GDAP2: variants seen among roughly 807,000 people sequenced by gnomAD.
The protein encoded by GDAP2 is ganglioside induced differentiation associated protein 2.
A neutral mutation model predicts 67.0 loss-of-function variants in GDAP2; 51 were observed. The ratio of observed to expected loss-of-function variants is 0.76; its 90% CI spans 0.61 to 0.96. The LOEUF is 0.96. Among genes scored for constraint, GDAP2 ranks in the 40% least tolerant of loss-of-function variants. The probability of loss-of-function intolerance (pLI) is 0.00; values close to 1 mark genes in which losing one functional copy is unlikely to be tolerated. For synonymous variants in GDAP2, 203 were observed against 207.3 expected (o/e 0.98, Z 0.18); for missense variants, 547 against 588.3 (o/e 0.93, Z 0.73).
In GDAP2 at chr1:117,912,513, A is replaced by G; in HGVS notation, c.470+17T>C. 6.2e-7 allele frequency: 1 copy of G among 1,607,038 alleles called. No homozygotes were observed. On this transcript the variant is annotated intron_variant, in intron 4 of 13. Transcript: ENST00000369443. ...CAATGTATGATATGCTATGTCCAGA[A>G]AATGAGTAGACCATACTTTGCTAGT...
chr1:117,918,450 A>T (rs1650123864), intron 3 of GDAP2, 147 bp downstream of exon 3: 1 of 607,908 alleles, frequency 1.6e-6, no homozygotes, highest in Non-Finnish European at 2.9e-6. Context: ...GTTAAAATGG[A>T]GCTTTCAAAA....
At chr1:117,913,968 A>G (rs1649958801) in intron 3 of GDAP2, among the ~76,000 whole-genome samples, 1 of 152,188 alleles carries the variant, frequency 6.6e-6, no homozygotes, top group Non-Finnish European at 1.5e-5. Context: ...GTCTGCAGCC[A>G]GGAAGACAGC....
At chr1:117,901,242 C>T (rs1649458688) in intron 6 of GDAP2, among the ~76,000 whole-genome samples, 1 of 151,888 alleles carries the variant, frequency 6.6e-6, no homozygotes, top group Non-Finnish European at 1.5e-5. Flanking sequence ...ACACACACCA[C>T]ATTTTTTTTT....
At chr1:117,903,517 C>T (rs1351835056) in intron 6 of GDAP2, among the ~76,000 whole-genome samples, 1 of 152,144 alleles carries the variant, frequency 6.6e-6, no homozygotes, top group Non-Finnish European at 1.5e-5. Context: ...TTTTCTACAT[C>T]TATTCAGATG....
intron 1 of GDAP2, among the ~76,000 whole-genome samples, chr1:117,924,706 T>A (rs150316141): frequency 6.6e-6 from 1 of 152,244 alleles, no homozygotes; most frequent in Non-Finnish European, 1.5e-5. Flanking sequence ...TAAATTTGTA[T>A]GAGAAGACTA....
chr1:117,887,895 T>C (rs1648923290), intron 8 of GDAP2, 121 bp from the exon 9 acceptor site: 1 of 617,150 alleles, frequency 1.6e-6, no homozygotes, highest in Admixed American at 2.9e-5. Flanking sequence ...TTCATTATAA[T>C]AGGGAAGGAG....
intron 13 of GDAP2, among the ~76,000 whole-genome samples, chr1:117,874,309 T>C (rs1349718253): frequency 1.3e-5 from 2 of 152,204 alleles, no homozygotes; most frequent in Non-Finnish European, 2.9e-5. Context: ...TATTTGTTCC[T>C]ATGAAAGCTT....
chr1:117,876,655 A>C, intron 13 of GDAP2, among the ~76,000 whole-genome samples: 1 of 152,202 alleles, frequency 6.6e-6, no homozygotes, highest in East Asian at 1.9e-4. Flanking sequence ...ATTTATACAA[A>C]AATAAAACAG....
At chr1:117,881,632 G>C (rs1486974282) in intron 12 of GDAP2, among the ~76,000 whole-genome samples, 191 bp downstream of exon 12, 2 of 152,118 alleles carry the variant, frequency 1.3e-5, no homozygotes, top group African/African-American at 4.8e-5. Flanking sequence ...GGCTTATAAG[G>C]GTTGCCCACA....
In GDAP2 at chr1:117,899,047, T is replaced by C. The variant is rs550892040; in HGVS notation, c.796+10A>G. On this transcript the variant is annotated intron_variant, in intron 7 of 13. Transcript: ENST00000369443. ...AGGGAGATTTAAAAAGTTAGAGCTC[T>C]AGAACTCACCTTCTGGAGCACCAGG... The C allele has an allele frequency of 9.3e-6, 15 of 1,608,636 alleles. No homozygotes were observed. The highest frequency in any genetic ancestry group is 1.7e-4 in the Middle Eastern group (1 of 6,056).
At chr1:117,887,594 C>G in intron 9 of GDAP2, 104 bp downstream of exon 9, 1 of 758,542 alleles carries the variant, frequency 1.3e-6, no homozygotes. Flanking sequence ...CCATTTTGTT[C>G]ATAGATACAA....
chr1:117,922,238 G>T (rs577831285), intron 1 of GDAP2, among the ~76,000 whole-genome samples: 2 of 152,264 alleles, frequency 1.3e-5, no homozygotes, highest in East Asian at 3.9e-4. Context: ...AGCCTAGAGA[G>T]TAAATGCAAA....
chr1:117,892,244 A>C (rs1056848595), intron 8 of GDAP2, among the ~76,000 whole-genome samples: 1 of 152,182 alleles, frequency 6.6e-6, no homozygotes, highest in Non-Finnish European at 1.5e-5. Context: ...CCAGTTGGGA[A>C]GAAAGAGTAA....
chr1:117,908,832 T>TAAAA (rs1557806000), intron 5 of GDAP2, among the ~76,000 whole-genome samples: 1 of 140,624 alleles, frequency 7.1e-6, no homozygotes, highest in African/African-American at 2.9e-5. Flanking sequence ...CTCAAAAAAA[T>TAAAA]AAATAAATAA....
intron 13 of GDAP2, 136 bp downstream of exon 13, chr1:117,877,873 G>A (rs1450858230): frequency 2.3e-6 from 3 of 1,297,176 alleles, no homozygotes; most frequent in Non-Finnish European, 3.0e-6. Context: ...TATGTTAAAT[G>A]ATATTACCAA....
chr1:117,889,252 G>A (rs903846772), intron 8 of GDAP2, among the ~76,000 whole-genome samples: 7 of 151,774 alleles, frequency 4.6e-5, no homozygotes, highest in South Asian at 4.2e-4. Flanking sequence ...ATTGATATAC[G>A]GATACATTGT....
chr1:117,883,746 A>T, intron 10 of GDAP2, 119 bp from the exon 11 acceptor site: 1 of 608,638 alleles, frequency 1.6e-6, no homozygotes, highest in East Asian at 2.9e-5. Flanking sequence ...TGCCCTAGTC[A>T]TCATAAATGG....
At position 117,918,676 on chromosome 1, in the gene GDAP2, G is replaced by T. The variant is rs1163770251; in HGVS notation, c.237C>A (p.Leu79=). Residue 79 remains leucine, a synonymous_variant, in exon 3 of 14, where the codon CTC becomes CTA. Coordinates refer to ENST00000369443, the MANE Select transcript of GDAP2 (RefSeq NM_017686.4). ...TAIVNTSNES[L]TDKNPVSESI... ...TTTCTGACACAGGATTCTTATCTGT[G>T]AGACTTTCATTGCTGGTATTCACAA... is the stretch of plus-strand genomic sequence containing the variant. 1 of 1,601,256 alleles carries T rather than the reference G, an allele frequency of 6.2e-7. No homozygotes were observed. Among genetic ancestry groups the T allele is most frequent in the Non-Finnish European group, 8.6e-7 (1 of 1,168,364 alleles).
chr1:117,888,550 T>C (rs530258712), intron 8 of GDAP2, among the ~76,000 whole-genome samples: 3 of 152,286 alleles, frequency 2.0e-5, no homozygotes, highest in African/African-American at 7.2e-5. Flanking sequence ...CTCAGGTCTC[T>C]AGATTTCCGG....
Sources: gnomAD v4.1 joint callset for allele counts (sites outside exome capture counted in the v4.1 genomes callset) on GRCh38, gnomAD v4.1.1 for gene constraint, MANE v1.5 for transcripts, NCBI Gene and HGNC (gene_info 2026-07-23, HGNC 2026-07-21) for gene names.